The following SYBU variants were observed in gnomAD, a reference collection of about 807,000 sequenced individuals.
The protein encoded by SYBU is GOLSYN A protein.
Under a neutral mutation model 35.9 loss-of-function variants are expected in SYBU, and 21 were observed. That is an observed-to-expected ratio of 0.58 (90% CI 0.41 to 0.84). The LOEUF is 0.84. Among genes scored for constraint, SYBU ranks in the 40% least tolerant of loss-of-function variants. The probability of loss-of-function intolerance (pLI) is 0.00; values close to 1 mark genes in which losing one functional copy is unlikely to be tolerated. For missense variants in SYBU, 768 were observed against 848.2 expected, an observed-to-expected ratio of 0.91 and a Z score of 1.17; for synonymous variants, 319 against 324.3, an observed-to-expected ratio of 0.98 and a Z score of 0.18.
intron 3 of SYBU, among the ~76,000 whole-genome samples, chr8:109,608,344 G>A (rs1344669864): frequency 6.6e-6 from 1 of 152,114 alleles, no homozygotes; most frequent in Non-Finnish European, 1.5e-5. Flanking sequence ...TATCCCAATG[G>A]GCAAGCAAGA....
chr8:109,607,805 AACTCACACACACAC>A, intron 3 of SYBU: 1 of 332,270 alleles, frequency 3.0e-6, no homozygotes. Context: ...TACCACAACT[AACTCACACACACAC>A]ACACACACAC....
At chr8:109,616,405 T>C (rs928816817) in intron 3 of SYBU, among the ~76,000 whole-genome samples, 10 of 152,176 alleles carry the variant, frequency 6.6e-5, no homozygotes, top group African/African-American at 1.9e-4. Context: ...TCTACAGGAT[T>C]AGGGAATTGC....
intron 1 of SYBU, among the ~76,000 whole-genome samples, chr8:109,664,306 G>A (rs977230000): frequency 1.6e-4 from 25 of 151,878 alleles, no homozygotes; most frequent in African/African-American, 5.8e-4. Flanking sequence ...TATGAGGTAG[G>A]GAAGAATGAG....
At chr8:109,681,947 T>G (rs1184323473), upstream of SYBU, among the ~76,000 whole-genome samples, 1 of 152,120 alleles carries the variant, frequency 6.6e-6, no homozygotes, top group Admixed American at 6.5e-5. Context: ...CCTTTTTGCT[T>G]GGCACTTCTT....
intron 1 of SYBU, among the ~76,000 whole-genome samples, chr8:109,669,933 A>G (rs1444611577): frequency 6.6e-6 from 1 of 152,232 alleles, no homozygotes; most frequent in Non-Finnish European, 1.5e-5. Context: ...ATTTATTTTC[A>G]GTATAAATGT....
chr8:109,579,983 T>A lies in SYBU; in HGVS notation c.550A>T (p.Ser184Cys). Residue 184 changes from serine to cysteine, a missense_variant, in exon 5 of 7, where the codon AGT becomes TGT. Coordinates refer to ENST00000276646, the MANE Select transcript of SYBU (RefSeq NM_001099754.2). ...SSRNRGPHGRSNGASSHKPGS... is the reference protein window; with the variant it reads ...SSRNRGPHGRCNGASSHKPGS... The stretch of plus-strand genomic sequence containing the variant: ...GGCTTGTGTGACGAAGCTCCATTAC[T>A]CCGCCCATGAGGACCTCGACTGGGA... The A allele has an allele frequency of 1.2e-6, 2 of 1,613,086 alleles. No individual in the cohort carries two copies. Among genetic ancestry groups the A allele is most frequent in the Non-Finnish European group, 8.5e-7 (1 of 1,180,032 alleles).
chr8:109,633,922 T>C (rs1462513931), intron 2 of SYBU, among the ~76,000 whole-genome samples: 2 of 151,984 alleles, frequency 1.3e-5, no homozygotes, highest in African/African-American at 4.8e-5. Context: ...TTTGTAGAGA[T>C]GGAGTTTCAT....
intron 4 of SYBU, 193 bp downstream of exon 4, chr8:109,585,865 GGT>G: frequency 1.7e-6 from 1 of 574,254 alleles, no homozygotes; most frequent in South Asian, 2.0e-5. Flanking sequence ...TACAAACACA[GGT>G]GAGCCATGTG....
intron 6 of SYBU, 80 bp from the exon 7 acceptor site, chr8:109,576,093 T>G (rs371414956): frequency 9.3e-5 from 132 of 1,425,178 alleles, no homozygotes; most frequent in Non-Finnish European, 1.2e-4. Flanking sequence ...CAACAGGCAG[T>G]TCAGGCAGTT....
chr8:109,676,852 C>T (rs1480844725), intron 1 of SYBU, among the ~76,000 whole-genome samples: 3 of 152,154 alleles, frequency 2.0e-5, no homozygotes, highest in Non-Finnish European at 4.4e-5. Flanking sequence ...GGATTCTCTG[C>T]ATAATGAAGA....
intron 1 of SYBU, among the ~76,000 whole-genome samples, chr8:109,678,434 CTTTTTTTTTTTTTTT>C (rs10717299): frequency 1.7e-5 from 1 of 58,362 alleles, no homozygotes; most frequent in Admixed American, 2.5e-4. Flanking sequence ...TTCAAATAAC[CTTTTTTTTTTTTTTT>C]TTTTTTTTTG....
chr8:109,575,609 A>G lies in SYBU; in HGVS notation c.1289T>C (p.Leu430Pro). Residue 430 changes from leucine to proline, a missense_variant, in exon 7 of 7, where the codon CTG (leucine) becomes CCG (proline). Transcript: ENST00000276646. ...GCTGTTGGCTATGCTATCTCCTACC[A>G]GTAGCTCCCTGTCAGCCCCTTCCCC... ...VTGEGADREL[L>P]VGDSIANSTD... The G allele has an allele frequency of 6.2e-7, 1 of 1,614,098 alleles. No homozygotes were observed. The highest frequency in any genetic ancestry group is 8.5e-7 in the Non-Finnish European group (1 of 1,180,016).
intron 1 of SYBU, among the ~76,000 whole-genome samples, chr8:109,654,113 C>T (rs893680565): frequency 6.6e-6 from 1 of 152,024 alleles, no homozygotes. Context: ...TTAAACATGC[C>T]AAAAACTTTT....
chr8:109,667,910 T>C (rs1256467520), intron 1 of SYBU, among the ~76,000 whole-genome samples: 1 of 152,194 alleles, frequency 6.6e-6, no homozygotes, highest in Non-Finnish European at 1.5e-5. Context: ...TAAAGCTTAT[T>C]AGCTTATTTT....
upstream of SYBU, among the ~76,000 whole-genome samples, chr8:109,681,550 C>G (rs1427098338): frequency 1.3e-5 from 2 of 152,082 alleles, no homozygotes; most frequent in Admixed American, 6.5e-5. Context: ...TATGTGCTAT[C>G]TCATCCCTTC....
chr8:109,628,342 C>CTT (rs111654259), intron 2 of SYBU, among the ~76,000 whole-genome samples: 4,193 of 141,806 alleles, frequency 0.03, 209 homozygotes, highest in African/African-American at 0.1. Flanking sequence ...AACCACATCT[C>CTT]TTTTTTTTTT....
intron 1 of SYBU, among the ~76,000 whole-genome samples, chr8:109,652,496 G>T (rs929612499): frequency 6.6e-6 from 1 of 152,082 alleles, no homozygotes; most frequent in Non-Finnish European, 1.5e-5. Context: ...TTACTGCCTG[G>T]ATGTAACCTT....
At chr8:109,674,797 T>C (rs28813762) in intron 1 of SYBU, among the ~76,000 whole-genome samples, 12,085 of 152,148 alleles carry the variant, frequency 0.079, 608 homozygotes, top group East Asian at 0.12. Context: ...GCAGACATAA[T>C]AGACATCTAC....
chr8:109,644,873 A>C, upstream of SYBU: 1 of 559,274 alleles, frequency 1.8e-6, no homozygotes, highest in East Asian at 3.3e-5. Context: ...GTGGTGCCGC[A>C]CTCGCTAGAG....
Sources: allele counts gnomAD v4.1 joint callset (sites outside exome capture counted in the v4.1 genomes callset), GRCh38; gene constraint gnomAD v4.1.1; transcripts MANE v1.5; gene names NCBI Gene and HGNC (gene_info 2026-07-23, HGNC 2026-07-21).